CNNM2: variants seen among roughly 807,000 people sequenced by gnomAD.
CNNM2 encodes metal transporter CNNM2.
In CNNM2, 12 loss-of-function variants were observed where a neutral mutation model predicts 66.9. The ratio of observed to expected loss-of-function variants is 0.18; its 90% confidence interval spans 0.11 to 0.29. The LOEUF (loss-of-function observed/expected upper bound fraction) is 0.29. CNNM2 is among the 10% of genes least tolerant of loss of function. CNNM2 has a pLI of 1.00. For synonymous variants in CNNM2, 557 were observed against 501.8 expected, an observed-to-expected ratio of 1.11 and a Z score of -1.47; for missense variants, 705 against 1,167.7, an observed-to-expected ratio of 0.60 and a Z score of 5.77.
At position 103,075,193 on chromosome 10, in the gene CNNM2, A is replaced by G. The variant is rs936828426; in HGVS notation, c.2234-893A>G. On this transcript the variant is annotated intron_variant, in intron 6 of 7. Transcript: ENST00000369878. ...CTGTCAGGGACACATTGCAAAGAGG[A>G]GCCAAGCGTCAGATGGGAGAAATGG... Among the ~76,000 whole-genome samples the G allele has an allele frequency of 2.6e-5, 4 of 152,216 alleles. No homozygotes were observed. In the East Asian group the frequency reaches 7.7e-4, roughly 29 times the overall value.
chr10:102,983,969 T>G (rs564440230), intron 1 of CNNM2, among the ~76,000 whole-genome samples: 1 of 152,148 alleles, frequency 6.6e-6, no homozygotes, highest in Non-Finnish European at 1.5e-5. Context: ...TTGATCGGGC[T>G]GGTCTCGAAC....
In CNNM2 at chr10:103,081,692, C is replaced by T. The variant is rs764131716; in HGVS notation, c.*4512C>T. ...GCAAGGCTGTGACAAGTAGGCCTTC[C>T]TCCTCTAGCACTTGCAAGCTTTCTG... On this transcript the variant is annotated 3_prime_UTR_variant, in exon 8 of 8. Transcript: ENST00000369878. 1 of 152,222 alleles carries T rather than the reference C, an allele frequency of 6.6e-6. No individual in the cohort carries two copies. Among genetic ancestry groups the T allele is most frequent in the Non-Finnish European group, 1.5e-5 (1 of 68,038 alleles). 9.4% of individuals were successfully genotyped at this position (152,222 alleles called of 1,614,324 possible). A position where few individuals can be genotyped will look rare whatever the true frequency, so the allele number is the denominator to read the frequency against.
At chr10:103,024,211 A>G (rs2064651645) in intron 1 of CNNM2, among the ~76,000 whole-genome samples, 1 of 152,090 alleles carries the variant, frequency 6.6e-6, no homozygotes, top group Non-Finnish European at 1.5e-5. Flanking sequence ...GACATTGAGT[A>G]TTTTTTCATG....
intron 1 of CNNM2, among the ~76,000 whole-genome samples, chr10:102,999,818 A>G (rs557663398): frequency 6.6e-6 from 1 of 152,246 alleles, no homozygotes; most frequent in Non-Finnish European, 1.5e-5. Context: ...GGAAATGCAA[A>G]TTAAAACTTT....
intron 1 of CNNM2, among the ~76,000 whole-genome samples, chr10:102,985,887 T>C (rs947298059): frequency 7.9e-5 from 12 of 152,198 alleles, no homozygotes; most frequent in African/African-American, 2.9e-4. Flanking sequence ...ATGTTCAGAC[T>C]TCAGAGTATT....
At chr10:102,924,711 C>A (rs1045791538) in intron 1 of CNNM2, among the ~76,000 whole-genome samples, 1 of 151,468 alleles carries the variant, frequency 6.6e-6, no homozygotes, top group East Asian at 2.0e-4. Flanking sequence ...CTCAAGCAAT[C>A]CTCCCATCTG....
intron 1 of CNNM2, among the ~76,000 whole-genome samples, chr10:102,965,564 C>A (rs991384724): frequency 3.3e-5 from 5 of 152,146 alleles, no homozygotes; most frequent in African/African-American, 1.2e-4. Flanking sequence ...TGAAGATTGC[C>A]AGTAGATGGC....
chr10:102,988,352 CA>C (rs1337456781), intron 1 of CNNM2, among the ~76,000 whole-genome samples: 1 of 152,002 alleles, frequency 6.6e-6, no homozygotes, highest in African/African-American at 2.4e-5. Context: ...GATAGGGTCT[CA>C]AGACCCTTAC....
At chr10:103,066,194 G>A (rs2065473827) in intron 4 of CNNM2, among the ~76,000 whole-genome samples, 1 of 151,840 alleles carries the variant, frequency 6.6e-6, no homozygotes, top group African/African-American at 2.4e-5. Flanking sequence ...TTCAGGCTCT[G>A]CCATGGTCCT....
At chr10:102,963,421 T>G (rs567488698) in intron 1 of CNNM2, among the ~76,000 whole-genome samples, 7 of 152,268 alleles carry the variant, frequency 4.6e-5, no homozygotes, top group African/African-American at 1.7e-4. Flanking sequence ...AGAATGACTT[T>G]CCTCCAGACA....
chr10:103,021,944 C>G (rs2064590650), intron 1 of CNNM2, among the ~76,000 whole-genome samples: 1 of 152,086 alleles, frequency 6.6e-6, no homozygotes, highest in African/African-American at 2.4e-5. Flanking sequence ...AGATCAATTC[C>G]TGGTAAAGAA....
In CNNM2 at chr10:103,089,952, A is replaced by T; in HGVS notation, c.*12772A>T. 6.6e-7 allele frequency: 1 copy of T among 1,512,216 alleles called. No individual in the cohort carries two copies. The highest frequency in any genetic ancestry group is 8.9e-7 in the Non-Finnish European group (1 of 1,120,294). 93.7% of individuals were successfully genotyped at this position (1,512,216 alleles called of 1,614,324 possible). ...GAGGCTCAGAAAGCAGGCAGAGCAA[A>T]GTAGCTACTCCCCAAATCCTAACCC... is the stretch of plus-strand genomic sequence containing the variant. On this transcript the variant is annotated 3_prime_UTR_variant, in exon 8 of 8. Coordinates refer to ENST00000369878, the MANE Select transcript of CNNM2 (RefSeq NM_017649.5).
chr10:103,074,025 C>T (rs1257629762), intron 6 of CNNM2, among the ~76,000 whole-genome samples: 2 of 152,128 alleles, frequency 1.3e-5, no homozygotes, highest in African/African-American at 2.4e-5. Context: ...GCAGCACTCA[C>T]ACCTGTAATC....
At chr10:103,024,121 A>G (rs1435821608) in intron 1 of CNNM2, among the ~76,000 whole-genome samples, 2 of 152,162 alleles carry the variant, frequency 1.3e-5, no homozygotes, top group Non-Finnish European at 1.5e-5. Context: ...CAAGGATGCA[A>G]TCAAGATTTT....
intron 1 of CNNM2, among the ~76,000 whole-genome samples, chr10:102,941,718 G>A (rs1051057812): frequency 6.6e-6 from 1 of 152,130 alleles, no homozygotes; most frequent in Non-Finnish European, 1.5e-5. Flanking sequence ...GCAGTCTTAC[G>A]ATTCCAGCCC....
intron 1 of CNNM2, among the ~76,000 whole-genome samples, chr10:102,962,192 A>C (rs773391013): frequency 3.3e-5 from 5 of 152,184 alleles, no homozygotes; most frequent in Non-Finnish European, 7.4e-5. Context: ...TAGGGAGAGC[A>C]TCAGGATACA....
chr10:102,998,219 G>A (rs544088374), intron 1 of CNNM2, among the ~76,000 whole-genome samples: 15 of 152,278 alleles, frequency 9.9e-5, no homozygotes, highest in African/African-American at 3.4e-4. Context: ...GGTGTTCAGC[G>A]AATGCATACT....
chr10:103,063,176 C>T (rs988316283), intron 4 of CNNM2, among the ~76,000 whole-genome samples: 2 of 152,186 alleles, frequency 1.3e-5, no homozygotes, highest in East Asian at 3.8e-4. Context: ...GTAAATTTAG[C>T]AAACTTGCTG....
Position 102,942,241 on chromosome 10 carries a change from A to C in CNNM2, c.1621+22140A>C, listed in dbSNP as rs1200821662. Among the ~76,000 whole-genome samples the C allele has an allele frequency of 2.0e-5, 3 of 152,312 alleles. No individual in the cohort carries two copies. The South Asian group carries it at 6.2e-4, about 32-fold the overall frequency. On this transcript the variant is annotated intron_variant, in intron 1 of 7. Transcript: ENST00000369878. Reference sequence around the variant, plus strand: ...TATACGATTCAGTAGTATTAAGTACATTCACATGGTGTGCCACCATTCCAG... The same window carrying C: ...TATACGATTCAGTAGTATTAAGTACCTTCACATGGTGTGCCACCATTCCAG...
Sources: allele counts gnomAD v4.1 joint callset (sites outside exome capture counted in the v4.1 genomes callset), GRCh38; gene constraint gnomAD v4.1.1; transcripts MANE v1.5; gene names NCBI Gene and HGNC (gene_info 2026-07-23, HGNC 2026-07-21).